The following MTRES1 variants were observed in gnomAD, a reference collection of about 807,000 sequenced individuals.
The protein encoded by MTRES1 is uncharacterized protein C6orf203.
Under a neutral mutation model 17.4 loss-of-function variants are expected in MTRES1, and 11 were observed. The ratio of observed to expected loss-of-function variants is 0.63; its 90% CI spans 0.40 to 1.05. MTRES1 has a LOEUF of 1.05. Ranked by LOEUF, MTRES1 falls within the 50% of genes least tolerant of loss-of-function variation. The pLI is 0.00. For synonymous variants in MTRES1, 94 were observed against 99.6 expected (o/e 0.94, Z 0.34); for missense variants, 268 against 276.2 (o/e 0.97, Z 0.21).
At chr6:107,049,357 T>A (rs1338170285) in intron 3 of MTRES1, among the ~76,000 whole-genome samples, 2 of 151,692 alleles carry the variant, frequency 1.3e-5, no homozygotes, top group Non-Finnish European at 2.9e-5. Flanking sequence ...ATCCCTGGCT[T>A]ATGTTTTAGT....
In MTRES1 at chr6:107,039,737, T is replaced by C; in HGVS notation, c.-12-12T>C. 6.4e-7 allele frequency: 1 copy of C among 1,574,118 alleles called. No individual in the cohort carries two copies. Among genetic ancestry groups the C allele is most frequent in the Middle Eastern group, 2.2e-4 (1 of 4,466 alleles). On this transcript the variant is annotated splice_polypyrimidine_tract_variant and intron_variant, in intron 1 of 3. Coordinates refer to ENST00000311381, the MANE Select transcript of MTRES1 (RefSeq NM_016487.5). ...CACTTGTGAGATAAAACTGATTTAT[T>C]ATCTGTTTCAGATTATAAGCGCCAT...
chr6:107,050,551 C>CTTTTTTTTTTTTTT (rs142268482), intron 3 of MTRES1, among the ~76,000 whole-genome samples: 6 of 81,516 alleles, frequency 7.4e-5, no homozygotes, highest in African/African-American at 1.5e-4. Flanking sequence ...CTCTCCCTTT[C>CTTTTTTTTTTTTTT]TTTTTTTTTT....
chr6:107,040,211 G>A lies in MTRES1; in HGVS notation c.451G>A (p.Gly151Arg). ...SFRYDVVLKT[G>R]LDIGRNKVED... ...TCGGTATGATGTTGTCCTGAAGACG[G>A]GGCTAGATATTGGGAGAAAGTGAGT... Residue 151 changes from glycine (G) to arginine (R), a missense_variant, in exon 2 of 4, where the codon GGG becomes AGG. By Grantham distance (125) the Gly-to-Arg change is moderately radical (BLOSUM62 -2). Coordinates refer to ENST00000311381, the MANE Select transcript of MTRES1 (RefSeq NM_016487.5). 6.3e-7 allele frequency: 1 copy of A among 1,591,548 alleles called. No individual in the cohort carries two copies. Among genetic ancestry groups the A allele is most frequent in the Non-Finnish European group, 8.5e-7 (1 of 1,173,280 alleles).
intron 2 of MTRES1, among the ~76,000 whole-genome samples, chr6:107,043,786 A>G (rs1473539251): frequency 6.6e-6 from 1 of 152,158 alleles, no homozygotes; most frequent in South Asian, 2.1e-4. Flanking sequence ...GGTCAACTGC[A>G]ATTGTTTTGA....
chr6:107,036,651 G>C (rs1774019422), intron 1 of MTRES1, among the ~76,000 whole-genome samples: 1 of 151,994 alleles, frequency 6.6e-6, no homozygotes, highest in African/African-American at 2.4e-5. Context: ...AGACCATCCT[G>C]TCTAACACGG....
At chr6:107,030,070 G>A (rs578158708) in intron 1 of MTRES1, 2 of 716,106 alleles carry the variant, frequency 2.8e-6, no homozygotes, top group East Asian at 2.7e-5. Flanking sequence ...TTTTTCCTCT[G>A]CTGAATTCCT....
chr6:107,043,739 A>G (rs1342485584), intron 2 of MTRES1, among the ~76,000 whole-genome samples: 2 of 152,166 alleles, frequency 1.3e-5, no homozygotes, highest in Non-Finnish European at 2.9e-5. Context: ...ATCCACATAT[A>G]AGTGGATCTG....
chr6:107,034,671 G>A (rs191722359), intron 1 of MTRES1, among the ~76,000 whole-genome samples: 13 of 152,220 alleles, frequency 8.5e-5, no homozygotes, highest in South Asian at 6.2e-4. Context: ...CCTGGCCCAC[G>A]GTGAAAACAA....
chr6:107,036,775 A>G (rs1268164458), intron 1 of MTRES1, among the ~76,000 whole-genome samples: 1 of 151,534 alleles, frequency 6.6e-6, no homozygotes, highest in Non-Finnish European at 1.5e-5. Flanking sequence ...GCGTGAACCC[A>G]GGAGGCGGAG....
At position 107,032,660 on chromosome 6, in the gene MTRES1, G is replaced by C. The variant is rs185539618; in HGVS notation, c.-13+4389G>C. 3.3e-3 allele frequency among the ~76,000 whole-genome samples: 509 copies of C among 152,130 alleles called. 1 individual carries two copies. The highest frequency in any genetic ancestry group is 2.0e-3 in the Non-Finnish European group (137 of 67,992). On this transcript the variant is annotated intron_variant, in intron 1 of 3. Coordinates refer to ENST00000311381, the MANE Select transcript of MTRES1 (RefSeq NM_016487.5). ...CAGGAGGCGGAGGTTGCAGTGAGCT[G>C]AGCACTGCACACCAGCCCGGGTGAC...
chr6:107,041,070 C>T (rs1332335489), intron 2 of MTRES1, among the ~76,000 whole-genome samples: 2 of 146,388 alleles, frequency 1.4e-5, no homozygotes, highest in African/African-American at 5.2e-5. Context: ...ACTAAAAATA[C>T]AAAAAATTAG....
At position 107,040,382 on chromosome 6, in the gene MTRES1, T is replaced by G. The variant is rs1371324035; in HGVS notation, c.470+152T>G. 63 of 577,484 alleles carry G rather than the reference T, an allele frequency of 1.1e-4. No homozygotes were observed. In the East Asian group the frequency reaches 2.2e-3, roughly 20 times the overall value. The allele number at this position is 577,484 out of a possible 1,614,324, so 35.8% of individuals were successfully genotyped here. ...TGTTTCAATTATTTCATTTTATAGA[T>G]GAGCAAACTGATTTCCAAAGAAGTC... On this transcript the variant is annotated intron_variant, in intron 2 of 3. Coordinates refer to ENST00000311381, the MANE Select transcript of MTRES1 (RefSeq NM_016487.5).
In MTRES1 at chr6:107,029,191, A is replaced by ATTTTTTTTTT. The variant is rs35093769; in HGVS notation, c.-13+925_-13+934dup. 3.0e-3 allele frequency among the ~76,000 whole-genome samples: 297 copies of ATTTTTTTTTT among 98,846 alleles called. 14 individuals are homozygous for ATTTTTTTTTT. The highest frequency in any genetic ancestry group is 0.011 in the African/African-American group (258 of 24,518). The allele number at this position is 98,846 out of a possible 152,430, so 64.8% of individuals were successfully genotyped here. On this transcript the variant is annotated intron_variant, in intron 1 of 3. Coordinates refer to ENST00000311381, the MANE Select transcript of MTRES1 (RefSeq NM_016487.5). ...CAGGCGCACACCGCCACACCCGGCT[A>ATTTTTTTTTT]TTTTTTTTTTTTTTGAGACGCAGTC...
At chr6:107,039,612 G>A (rs1220773106) in intron 1 of MTRES1, 137 bp from the exon 2 acceptor site, 11 of 899,746 alleles carry the variant, frequency 1.2e-5, no homozygotes, top group Admixed American at 6.5e-5. Flanking sequence ...GAACCACTGC[G>A]CCAGGCCCAA....
rs782349808 is a variant in MTRES1 at position 107,051,190 on chromosome 6, G to A, written c.677G>A (p.Arg226Gln). ...AGTGAAAAATACAGAGTGGTGTTAC[G>A]GCGGTGGAAAAGTTTAAAGTTGCCT... Reference protein sequence around the residue: ...TESEKYRVVLRRWKSLKLPKK... With the variant: ...TESEKYRVVLQRWKSLKLPKK... Residue 226 changes from arginine (R) to glutamine (Q), a missense_variant, in exon 4 of 4, where the codon CGG becomes CAG. Transcript: ENST00000311381. 9.3e-6 allele frequency: 15 copies of A among 1,613,620 alleles called. No homozygotes were observed. Among genetic ancestry groups the A allele is most frequent in the South Asian group, 4.4e-5 (4 of 91,006 alleles).
At chr6:107,030,783 C>T (rs1487691151) in intron 1 of MTRES1, among the ~76,000 whole-genome samples, 1 of 152,140 alleles carries the variant, frequency 6.6e-6, no homozygotes, top group African/African-American at 2.4e-5. Context: ...AGTTCAAGTT[C>T]TGAGACACTA....
intron 3 of MTRES1, 150 bp downstream of exon 3, chr6:107,044,482 T>C (rs1774327042): frequency 1.5e-6 from 1 of 658,880 alleles, no homozygotes; most frequent in Non-Finnish European, 2.7e-6. Context: ...GGGAATCAGC[T>C]ACAGGCTTCA....
In MTRES1 at chr6:107,041,864, T is replaced by C. The variant is rs1774230233; in HGVS notation, c.470+1634T>C. On this transcript the variant is annotated intron_variant, in intron 2 of 3. Transcript: ENST00000311381. ...GTATTCTGATTCCCTCTCTGCTAGA[T>C]TAATTATATAAGAATAGTGGCCTTC... Among the ~76,000 whole-genome samples, 3 of 152,138 alleles carry C rather than the reference T, an allele frequency of 2.0e-5. No homozygotes were observed. In the South Asian group the frequency reaches 6.2e-4, roughly 32 times the overall value.
At chr6:107,048,950 G>C (rs1327506271) in intron 3 of MTRES1, among the ~76,000 whole-genome samples, 1 of 151,942 alleles carries the variant, frequency 6.6e-6, no homozygotes, top group African/African-American at 2.4e-5. Flanking sequence ...CACAGGAGAG[G>C]AAGTTAATGG....
Sources: gnomAD v4.1 joint callset for allele counts (sites outside exome capture counted in the v4.1 genomes callset) on GRCh38, gnomAD v4.1.1 for gene constraint, MANE v1.5 for transcripts, NCBI Gene and HGNC (gene_info 2026-07-23, HGNC 2026-07-21) for gene names.